The following ZNF207 variants were observed in gnomAD, a reference collection of about 807,000 sequenced individuals.
ZNF207 encodes BUB3-interacting and GLEBS motif-containing protein ZNF207.
Under a neutral mutation model 60.2 loss-of-function variants are expected in ZNF207, and 24 were observed. The ratio of observed to expected loss-of-function variants is 0.40; its 90% confidence interval spans 0.29 to 0.56. The LOEUF (loss-of-function observed/expected upper bound fraction) is 0.56. Ranked by LOEUF, ZNF207 falls within the 20% of genes least tolerant of loss-of-function variation. ZNF207 has a pLI of 0.49. For synonymous variants in ZNF207, 236 were observed against 194.7 expected (o/e 1.21, Z -1.77); for missense variants, 452 against 636.6 (o/e 0.71, Z 3.12).
intron 8 of ZNF207, 86 bp from the exon 9 acceptor site, chr17:32,366,579 G>C (rs1020721530): frequency 1.0e-5 from 11 of 1,048,624 alleles, no homozygotes; most frequent in African/African-American, 1.7e-5. Flanking sequence ...TTACAAATAT[G>C]CAATCTACTA....
intron 5 of ZNF207, 85 bp downstream of exon 5, chr17:32,361,052 C>T: frequency 6.9e-7 from 1 of 1,443,018 alleles, no homozygotes; most frequent in Non-Finnish European, 9.6e-7. Flanking sequence ...TGAAATGTTA[C>T]TTTCCATTTT....
chr17:32,357,348 A>ATTTTTTTTTTTTTT (rs772462101), intron 2 of ZNF207, among the ~76,000 whole-genome samples: 3 of 77,658 alleles, frequency 3.9e-5, no homozygotes, highest in African/African-American at 2.0e-4. Flanking sequence ...TATTATTATT[A>ATTTTTTTTTTTTTT]TTATTTTTTT....
Position 32,378,433 on chromosome 17 carries a change from A to C in ZNF207, c.*8674A>C, listed in dbSNP as rs944654316. On this transcript the variant is annotated 3_prime_UTR_variant, in exon 12 of 12. Transcript: ENST00000394670. ...GATAAATGGTGTACAGTCATAAGCTAGAATATGTTTTTATAATGCTTTTTT... is the reference window on the plus strand; with the variant it reads ...GATAAATGGTGTACAGTCATAAGCTCGAATATGTTTTTATAATGCTTTTTT... 4 of 152,078 alleles carry C rather than the reference A, an allele frequency of 2.6e-5. No homozygotes were observed. Among genetic ancestry groups the C allele is most frequent in the African/African-American group, 9.7e-5 (4 of 41,448 alleles). 9.4% of individuals were successfully genotyped at this position (152,078 alleles called of 1,614,324 possible). A position where few individuals can be genotyped will look rare whatever the true frequency, so the allele number is the denominator to read the frequency against.
intron 2 of ZNF207, among the ~76,000 whole-genome samples, chr17:32,353,790 G>T (rs1044760847): frequency 4.7e-5 from 7 of 147,812 alleles, no homozygotes; most frequent in Non-Finnish European, 1.0e-4. Flanking sequence ...ACTCCAGCCT[G>T]GGTGACAGAG....
intron 9 of ZNF207, among the ~76,000 whole-genome samples, chr17:32,367,182 G>A (rs1905201363): frequency 7.1e-6 from 1 of 140,600 alleles, no homozygotes; most frequent in Admixed American, 7.6e-5. Flanking sequence ...AAAAGATCCT[G>A]CTAAATTAAC....
In ZNF207 at chr17:32,378,899, C is replaced by G. The variant is rs1409072104; in HGVS notation, c.*9140C>G. ...GTAGGATGTATGGCTTCTTCCTTTT[C>G]ACCTTGTGTGATGTTTAATTTGAGA... On this transcript the variant is annotated 3_prime_UTR_variant, in exon 12 of 12. Transcript: ENST00000394670. 6.6e-6 allele frequency: 1 copy of G among 152,068 alleles called. No homozygotes were observed. The highest frequency in any genetic ancestry group is 2.4e-5 in the African/African-American group (1 of 41,436). 9.4% of individuals were successfully genotyped at this position (152,068 alleles called of 1,614,324 possible).
intron 6 of ZNF207, among the ~76,000 whole-genome samples, chr17:32,362,089 CTT>C (rs1472189111): frequency 6.0e-5 from 9 of 149,312 alleles, no homozygotes; most frequent in Non-Finnish European, 1.2e-4. Context: ...TTTTGAGTGT[CTT>C]TAATTTTGGT....
At position 32,369,731 on chromosome 17, in the gene ZNF207, C is replaced by T; in HGVS notation, c.1457C>T (p.Pro486Leu). 1 of 1,564,456 alleles carries T rather than the reference C, an allele frequency of 6.4e-7. No homozygotes were observed. The highest frequency in any genetic ancestry group is 8.6e-7 in the Non-Finnish European group (1 of 1,157,888). ...PPRPPMGMRP[P>L]VMSQGGRY is the part of the protein sequence containing the mutation. The stretch of plus-strand genomic sequence containing the variant: ...CGACCTCCGATGGGAATGAGACCTC[C>T]TGTAATGTCGCAAGGTGGCCGTTAC... Residue 486 changes from proline to leucine, a missense_variant, in exon 12 of 12, where the codon CCT becomes CTT. Pro to Leu is a moderately conservative substitution (Grantham distance 98, BLOSUM62 -3). Coordinates refer to ENST00000394670, the MANE Select transcript of ZNF207 (RefSeq NM_001098507.2).
At chr17:32,363,697 C>G (rs1189801807) in intron 7 of ZNF207, among the ~76,000 whole-genome samples, 1 of 151,558 alleles carries the variant, frequency 6.6e-6, no homozygotes, top group Non-Finnish European at 1.5e-5. Flanking sequence ...ACGCCTGGCT[C>G]ATTTTTGTAT....
intron 9 of ZNF207, among the ~76,000 whole-genome samples, chr17:32,367,256 TATATATATATATA>T (rs1905222637): frequency 1.3e-5 from 1 of 76,856 alleles, no homozygotes; most frequent in Non-Finnish European, 2.9e-5. Flanking sequence ...TATATATATA[TATATATATATATA>T]TATATATATA....
chr17:32,361,070 T>C, intron 5 of ZNF207, 103 bp downstream of exon 5: 1 of 1,232,096 alleles, frequency 8.1e-7, no homozygotes, highest in Non-Finnish European at 1.2e-6. Context: ...TTTTTGCTTC[T>C]AGAAGGTATG....
At chr17:32,356,353 T>TA (rs1238252927) in intron 2 of ZNF207, among the ~76,000 whole-genome samples, 3 of 152,286 alleles carry the variant, frequency 2.0e-5, no homozygotes, top group African/African-American at 7.2e-5. Context: ...CATCATCTCT[T>TA]TATTAAGAAT....
rs1904827606 is a variant in ZNF207, at chr17:32,360,703, A to G, written c.413A>G (p.Tyr138Cys). 1 of 1,614,172 alleles carries G rather than the reference A, an allele frequency of 6.2e-7. No individual in the cohort carries two copies. Among genetic ancestry groups the G allele is most frequent in the Non-Finnish European group, 8.5e-7 (1 of 1,180,040 alleles). ...QPQPVQPQQGYIPPMAQPGLP... is the reference protein window; with the variant it reads ...QPQPVQPQQGCIPPMAQPGLP... ...CAGCCTGTTCAACCTCAGCAAGGTT[A>G]TATTCCTCCAATGGCACAGCCAGGA... Residue 138 changes from tyrosine (Y) to cysteine (C), a missense_variant, in exon 4 of 12, where the codon TAT (tyrosine) becomes TGT (cysteine). Tyr to Cys is a radical substitution (Grantham distance 194). This residue lies in a region of ZNF207 where 62 missense variants were observed against 175.3 expected (regional missense o/e 0.35). Transcript: ENST00000394670.
intron 7 of ZNF207, 119 bp downstream of exon 7, chr17:32,363,103 G>T (rs1904973590): frequency 1.2e-6 from 1 of 822,142 alleles, no homozygotes; most frequent in African/African-American, 1.7e-5. Context: ...GCAAGTTCCT[G>T]TGAGAAGTGT....
Position 32,366,754 on chromosome 17 carries a change from A to G in ZNF207, c.918A>G (p.Ala306=), listed in dbSNP as rs201071048. 308 of 1,602,994 alleles carry G rather than the reference A, an allele frequency of 1.9e-4. No individual in the cohort carries two copies. Among genetic ancestry groups the G allele is most frequent in the Middle Eastern group, 3.3e-4 (2 of 6,056 alleles). The part of the protein sequence containing the change: ...ASSKALFPST[A]QAQAAVQGPV... The stretch of plus-strand genomic sequence containing the variant: ...CTAAAGCTCTGTTTCCTAGCACAGC[A>G]CAAGTACGCAGGAAGTTGCAGTTTA... The change falls in exon 9 of 12, where the codon GCA becomes GCG. Residue 306 remains alanine (A), a synonymous_variant. Coordinates refer to ENST00000394670, the MANE Select transcript of ZNF207 (RefSeq NM_001098507.2).
intron 2 of ZNF207, among the ~76,000 whole-genome samples, chr17:32,353,585 C>T (rs1904320583): frequency 6.6e-6 from 1 of 151,038 alleles, no homozygotes; most frequent in African/African-American, 2.4e-5. Context: ...GTTTCAAGAC[C>T]AGCCTGACCA....
rs567899766 is a variant in ZNF207 at position 32,378,173 on chromosome 17, A to G, written c.*8414A>G. ...CTAACCCCAGTTGTAATAAAGGTGTAATACTGCTCCTTTGTTATCTCCTTG... is the reference window on the plus strand; with the variant it reads ...CTAACCCCAGTTGTAATAAAGGTGTGATACTGCTCCTTTGTTATCTCCTTG... On this transcript the variant is annotated 3_prime_UTR_variant, in exon 12 of 12. Coordinates refer to ENST00000394670, the MANE Select transcript of ZNF207 (RefSeq NM_001098507.2). 6.6e-6 allele frequency: 1 copy of G among 152,282 alleles called. No individual in the cohort carries two copies. Among genetic ancestry groups the G allele is most frequent in the East Asian group, 1.9e-4 (1 of 5,192 alleles). 9.4% of individuals were successfully genotyped at this position (152,282 alleles called of 1,614,324 possible).
In ZNF207 at chr17:32,375,977, C is replaced by T. The variant is rs1905661720; in HGVS notation, c.*6218C>T. 6.6e-6 allele frequency: 1 copy of T among 152,006 alleles called. No homozygotes were observed. The highest frequency in any genetic ancestry group is 1.5e-5 in the Non-Finnish European group (1 of 67,910). 9.4% of individuals were successfully genotyped at this position (152,006 alleles called of 1,614,324 possible). On this transcript the variant is annotated 3_prime_UTR_variant, in exon 12 of 12. Transcript: ENST00000394670. ...CCTTTCTCAGTATTTTAATTTCTGTCATTGAATCATTTAAATAATAACCTT... is the reference window on the plus strand; with the variant it reads ...CCTTTCTCAGTATTTTAATTTCTGTTATTGAATCATTTAAATAATAACCTT...
chr17:32,378,096 C>G lies in ZNF207; in HGVS notation c.*8337C>G, dbSNP rs1567833614. The G allele has an allele frequency of 6.6e-6, 1 of 152,354 alleles. No individual in the cohort carries two copies. Among genetic ancestry groups the G allele is most frequent in the Non-Finnish European group, 1.5e-5 (1 of 67,894 alleles). 9.4% of individuals were successfully genotyped at this position (152,354 alleles called of 1,614,324 possible). On this transcript the variant is annotated 3_prime_UTR_variant, in exon 12 of 12. Coordinates refer to ENST00000394670, the MANE Select transcript of ZNF207 (RefSeq NM_001098507.2). ...AATGTTAGTATAACTAATAATAGAT[C>G]CATTGGACACTTTAAACACTCAGTA... is the stretch of plus-strand genomic sequence containing the variant.
Sources: gnomAD v4.1 joint callset for allele counts (sites outside exome capture counted in the v4.1 genomes callset) on GRCh38, gnomAD v4.1.1 for gene constraint, gnomAD v4.1.1 regional missense constraint, MANE v1.5 for transcripts, NCBI Gene and HGNC (gene_info 2026-07-23, HGNC 2026-07-21) for gene names.